SAMSN1: variants seen among roughly 807,000 people sequenced by gnomAD.
SAMSN1 encodes the protein SAM domain, SH3 domain and nuclear localization signals 1, also known as SAM domain-containing protein SAMSN-1.
Under a neutral mutation model 42.0 loss-of-function variants are expected in SAMSN1, and 31 were observed. The ratio of observed to expected loss-of-function variants is 0.74; its 90% CI spans 0.55 to 1.00. The LOEUF (loss-of-function observed/expected upper bound fraction) is 1.00, where lower values mean the gene tolerates loss of function less well. Ranked by LOEUF, SAMSN1 falls within the 50% of genes least tolerant of loss-of-function variation. The probability of loss-of-function intolerance (pLI) is 0.00; values close to 1 mark genes in which losing one functional copy is unlikely to be tolerated. For synonymous variants in SAMSN1, 178 were observed against 151.9 expected (o/e 1.17, Z -1.26); for missense variants, 464 against 439.4 (o/e 1.06, Z -0.50).
At chr21:14,618,603 G>A (rs906720365) in intron 2 of SAMSN1, among the ~76,000 whole-genome samples, 2 of 151,962 alleles carry the variant, frequency 1.3e-5, no homozygotes, top group Admixed American at 6.6e-5. Context: ...TTCCTAGAGG[G>A]GCAAGTCAAA....
At chr21:14,486,907 A>G (rs762535396) in intron 7 of SAMSN1, among the ~76,000 whole-genome samples, 1 of 152,186 alleles carries the variant, frequency 6.6e-6, no homozygotes, top group Non-Finnish European at 1.5e-5. Flanking sequence ...ATAACAAAAT[A>G]TATTTTGGAA....
intron 7 of SAMSN1, among the ~76,000 whole-genome samples, chr21:14,492,824 T>C (rs1000969959): frequency 2.0e-5 from 3 of 152,242 alleles, no homozygotes; most frequent in Admixed American, 2.0e-4. Flanking sequence ...ACTATGACTA[T>C]AGATATTAAA....
Position 14,521,174 on chromosome 21 carries a change from T to C in SAMSN1, c.105A>G (p.Leu35=), listed in dbSNP as rs746235719. The change falls in exon 2 of 8, where the codon TTA becomes TTG. Residue 35 remains leucine, a synonymous_variant. Transcript: ENST00000400566. ...CCTCAGTTGAATCATCTGGTTTTGA[T>C]AAAGAATTATTCCGAAAACGATCGA... ...GNFDRFRNNS[L]SKPDDSTEAH... 3.7e-6 allele frequency: 6 copies of C among 1,611,118 alleles called. No individual in the cohort carries two copies. The highest frequency in any genetic ancestry group is 3.3e-5 in the Admixed American group (2 of 59,808).
chr21:14,499,728 T>C (rs17003329), intron 6 of SAMSN1, among the ~76,000 whole-genome samples: 9,414 of 152,084 alleles, frequency 0.062, 665 homozygotes, highest in African/African-American at 0.17. Flanking sequence ...CTCATAGGAA[T>C]ATCCCATTTG....
At chr21:14,584,762 C>A (rs2822795), upstream of SAMSN1, among the ~76,000 whole-genome samples, 13,702 of 152,174 alleles carry the variant, frequency 0.09, 1,567 homozygotes, top group African/African-American at 0.27. Flanking sequence ...AAAGACACTG[C>A]AGTTTTCAAG....
At chr21:14,617,827 C>T (rs1228205653) in intron 2 of SAMSN1, among the ~76,000 whole-genome samples, 1 of 152,170 alleles carries the variant, frequency 6.6e-6, no homozygotes, top group African/African-American at 2.4e-5. Flanking sequence ...AGATGGCTCA[C>T]AAAATTTATA....
chr21:14,632,372 C>A lies in SAMSN1; in HGVS notation c.156+10630G>T, dbSNP rs534939019. ...ATTCATTTGTATATCTGCAAATAAC[C>A]CTGATCAGTATCTTGTCACATTAAT... On this transcript the variant is annotated intron_variant, in intron 2 of 15. Coordinates refer to the SAMSN1 transcript ENST00000647101. Among the ~76,000 whole-genome samples, 3 of 151,884 alleles carry A rather than the reference C, an allele frequency of 2.0e-5. No individual in the cohort carries two copies. The East Asian group carries it at 5.8e-4, about 30-fold the overall frequency.
In SAMSN1 at chr21:14,514,264, G is replaced by C. The variant is rs556683432; in HGVS notation, c.280-1691C>G. On this transcript the variant is annotated intron_variant, in intron 3 of 7. Coordinates refer to ENST00000400566, the MANE Select transcript of SAMSN1 (RefSeq NM_022136.5). ...GTCAGATTTACGTTGCAGTCTAAAG[G>C]CTTTCTCTTTAGCCTTCCTAGCATT... is the stretch of plus-strand genomic sequence containing the variant. 2.6e-5 allele frequency among the ~76,000 whole-genome samples: 4 copies of C among 152,160 alleles called. No homozygotes were observed. The South Asian group carries it at 6.2e-4, about 24-fold the overall frequency.
chr21:14,606,308 T>C (rs1254991926), intron 5 of SAMSN1, among the ~76,000 whole-genome samples: 1 of 152,224 alleles, frequency 6.6e-6, no homozygotes, highest in Non-Finnish European at 1.5e-5. Flanking sequence ...TTACACTGAT[T>C]GATTGAAAAA....
intron 2 of SAMSN1, among the ~76,000 whole-genome samples, chr21:14,517,764 G>C (rs1401010701): frequency 1.3e-5 from 2 of 151,992 alleles, no homozygotes; most frequent in Non-Finnish European, 2.9e-5. Flanking sequence ...ACAGCCACAA[G>C]ACTCTATATG....
At position 14,624,904 on chromosome 21, in the gene SAMSN1, T is replaced by C. The variant is rs142786647; in HGVS notation, c.157-8888A>G. 3.8e-4 allele frequency among the ~76,000 whole-genome samples: 58 copies of C among 152,216 alleles called. No individual in the cohort carries two copies. In the East Asian group the frequency reaches 9.7e-3, roughly 25 times the overall value. ...TAAAATAGTGGCAAACCGAATCCAG[T>C]AGCCCATCAAAAAGCTTATCCACCA... On this transcript the variant is annotated intron_variant, in intron 2 of 15. Coordinates refer to the SAMSN1 transcript ENST00000647101.
upstream of SAMSN1, among the ~76,000 whole-genome samples, chr21:14,549,309 A>G (rs2822766): frequency 0.23 from 35,654 of 152,130 alleles, 4,913 homozygotes; most frequent in East Asian, 0.49. Flanking sequence ...CAGGTTGAAG[A>G]ATACAATTAG....
At chr21:14,608,273 C>T (rs1025808941) in intron 5 of SAMSN1, among the ~76,000 whole-genome samples, 2 of 152,202 alleles carry the variant, frequency 1.3e-5, no homozygotes, top group Non-Finnish European at 2.9e-5. Context: ...TGGTAGCATC[C>T]TCATGGTGCT....
At chr21:14,599,590 T>C (rs1374376057) in intron 6 of SAMSN1, among the ~76,000 whole-genome samples, 1 of 152,136 alleles carries the variant, frequency 6.6e-6, no homozygotes, top group South Asian at 2.1e-4. Context: ...CCTTCTACAA[T>C]AGGTTAATGT....
intron 1 of SAMSN1, among the ~76,000 whole-genome samples, chr21:14,648,396 A>C (rs1983762055): frequency 6.6e-6 from 1 of 152,196 alleles, no homozygotes. Context: ...AAGCAATGGC[A>C]ACAAAAGCCA....
intron 2 of SAMSN1, among the ~76,000 whole-genome samples, chr21:14,619,881 A>G (rs1982954743): frequency 6.6e-6 from 1 of 151,998 alleles, no homozygotes; most frequent in Admixed American, 6.5e-5. Flanking sequence ...CTGTTTGTTC[A>G]GCTTCCTCTT....
intron 2 of SAMSN1, among the ~76,000 whole-genome samples, chr21:14,634,014 T>G (rs1424257729): frequency 6.6e-6 from 1 of 152,172 alleles, no homozygotes; most frequent in African/African-American, 2.4e-5. Flanking sequence ...GATGAGTAAG[T>G]GTATAAAAAA....
upstream of SAMSN1, among the ~76,000 whole-genome samples, chr21:14,584,307 G>A (rs1301099373): frequency 2.0e-5 from 3 of 152,182 alleles, no homozygotes; most frequent in East Asian, 1.9e-4. Context: ...TAAAAAAATA[G>A]CCTCTTGCTT....
intron 1 of SAMSN1, among the ~76,000 whole-genome samples, chr21:14,534,478 G>A (rs1979469796): frequency 1.3e-5 from 2 of 151,850 alleles, no homozygotes; most frequent in Non-Finnish European, 2.9e-5. Context: ...ACAGAGAAAT[G>A]TGGAACAAGC....
Sources: allele counts gnomAD v4.1 joint callset (sites outside exome capture counted in the v4.1 genomes callset), GRCh38; gene constraint gnomAD v4.1.1; transcripts MANE v1.5; gene names NCBI Gene and HGNC (gene_info 2026-07-23, HGNC 2026-07-21).